The following RBFOX2 variants were observed in gnomAD, a reference collection of about 807,000 sequenced individuals.
RBFOX2 encodes the protein RNA binding fox-1 homolog 2, also known as RNA binding protein fox-1 homolog 2.
In RBFOX2, 10 loss-of-function variants were observed where a neutral mutation model predicts 49.1. The ratio of observed to expected loss-of-function variants is 0.20; its 90% CI spans 0.13 to 0.35. The LOEUF (loss-of-function observed/expected upper bound fraction) is 0.35. Among genes scored for constraint, RBFOX2 ranks in the 10% least tolerant of loss-of-function variants. The pLI, the probability that RBFOX2 is intolerant of heterozygous loss-of-function variation, is 1.00. For synonymous variants in RBFOX2, 183 were observed against 187.4 expected (o/e 0.98, Z 0.19); for missense variants, 323 against 486.9 (o/e 0.66, Z 3.17).
chr22:35,755,670 G>A (rs1936651200), intron 9 of RBFOX2, among the ~76,000 whole-genome samples: 1 of 152,192 alleles, frequency 6.6e-6, no homozygotes, highest in African/African-American at 2.4e-5. Context: ...TCTAAAGAGG[G>A]ATGTGAAATG....
chr22:35,979,407 T>C (rs925997042), intron 1 of RBFOX2, among the ~76,000 whole-genome samples: 1 of 152,188 alleles, frequency 6.6e-6, no homozygotes, highest in Admixed American at 6.5e-5. Flanking sequence ...ATTTCCTGAT[T>C]TGGAGATCTC....
chr22:35,802,092 G>T (rs914256171), intron 2 of RBFOX2, among the ~76,000 whole-genome samples: 2 of 152,032 alleles, frequency 1.3e-5, no homozygotes, highest in Non-Finnish European at 2.9e-5. Flanking sequence ...ACAGTTTCTG[G>T]TATAAATGAG....
intron 1 of RBFOX2, among the ~76,000 whole-genome samples, chr22:36,012,409 A>G (rs2058854431): frequency 1.3e-5 from 2 of 152,258 alleles, no homozygotes; most frequent in Admixed American, 1.3e-4. Context: ...TGAAGAGAAT[A>G]AATAAGGGCC....
chr22:36,002,874 C>G (rs1246335232), intron 1 of RBFOX2, among the ~76,000 whole-genome samples: 1 of 152,278 alleles, frequency 6.6e-6, no homozygotes, highest in African/African-American at 2.4e-5. Flanking sequence ...GATCCCCCCA[C>G]CTTGGCCTCC....
chr22:36,016,779 T>C (rs2059052736), intron 1 of RBFOX2, among the ~76,000 whole-genome samples: 1 of 152,256 alleles, frequency 6.6e-6, no homozygotes, highest in African/African-American at 2.4e-5. Flanking sequence ...GAATGTCATC[T>C]ACTTCATAAG....
intron 9 of RBFOX2, among the ~76,000 whole-genome samples, chr22:35,755,679 TGAG>T (rs1213612558): frequency 6.6e-6 from 1 of 152,120 alleles, no homozygotes; most frequent in Non-Finnish European, 1.5e-5. Context: ...GGATGTGAAA[TGAG>T]AAGAAAAGCA....
At chr22:35,808,528 C>A (rs576429310) in intron 2 of RBFOX2, among the ~76,000 whole-genome samples, 6 of 152,270 alleles carry the variant, frequency 3.9e-5, no homozygotes, top group Non-Finnish European at 8.8e-5. Flanking sequence ...TCTATGCAGA[C>A]TGTAGAACAT....
At chr22:35,939,158 A>G (rs1371576944), upstream of RBFOX2, 1 of 640,160 alleles carries the variant, frequency 1.6e-6, no homozygotes, top group Admixed American at 2.1e-5. Flanking sequence ...CCTTTCCAGT[A>G]TATCTTAGGC....
chr22:35,939,323 G>C, upstream of RBFOX2: 1 of 440,424 alleles, frequency 2.3e-6, no homozygotes, highest in Non-Finnish European at 4.6e-6. Context: ...ATGTCCCCTG[G>C]ATGGAAAGGG....
chr22:35,843,934 G>A (rs1411593084), upstream of RBFOX2, among the ~76,000 whole-genome samples: 2 of 152,180 alleles, frequency 1.3e-5, no homozygotes, highest in African/African-American at 4.8e-5. Context: ...CTTGCTCAAG[G>A]TGTTCCAACT....
At chr22:35,945,998 C>A (rs191083082) in intron 1 of RBFOX2, among the ~76,000 whole-genome samples, 17 of 152,108 alleles carry the variant, frequency 1.1e-4, no homozygotes, top group Non-Finnish European at 1.9e-4. Flanking sequence ...ACCGCTCCCC[C>A]CTTTTTTTTA....
chr22:35,915,199 A>AT (rs1414073147), intron 1 of RBFOX2, among the ~76,000 whole-genome samples: 21 of 152,324 alleles, frequency 1.4e-4, no homozygotes, highest in Admixed American at 1.3e-3. Flanking sequence ...TTCTGTAATT[A>AT]TGTTAGCACA....
intron 2 of RBFOX2, among the ~76,000 whole-genome samples, chr22:35,805,664 C>T (rs78665757): frequency 0.02 from 3,108 of 152,256 alleles, 47 homozygotes; most frequent in Non-Finnish European, 0.03. Flanking sequence ...CCACAAAAAA[C>T]CCTGCATATG....
At chr22:36,018,865 C>T (rs566129734) in intron 1 of RBFOX2, among the ~76,000 whole-genome samples, 2 of 152,240 alleles carry the variant, frequency 1.3e-5, no homozygotes, top group African/African-American at 4.8e-5. Flanking sequence ...CTGCCCGCCT[C>T]AGCCTCCCAA....
chr22:35,944,858 T>C (rs184948871), intron 1 of RBFOX2, among the ~76,000 whole-genome samples: 6 of 152,048 alleles, frequency 3.9e-5, no homozygotes, highest in Admixed American at 3.3e-4. Context: ...GGAGGATCAT[T>C]TGAGGTCAGG....
chr22:35,931,976 A>G (rs1018347579), intron 1 of RBFOX2, among the ~76,000 whole-genome samples: 2 of 152,214 alleles, frequency 1.3e-5, no homozygotes, highest in Non-Finnish European at 2.9e-5. Context: ...CATGGTTAAG[A>G]TAGGCAGCAT....
intron 1 of RBFOX2, among the ~76,000 whole-genome samples, chr22:35,946,304 C>G (rs942141290): frequency 5.9e-5 from 9 of 152,162 alleles, no homozygotes; most frequent in Admixed American, 1.3e-4. Flanking sequence ...AGTTATATTA[C>G]AGATATATGT....
rs183818347 is a variant in RBFOX2 at position 35,910,261 on chromosome 22, A to T, written c.-34+28586T>A. On this transcript the variant is annotated intron_variant, in intron 1 of 13. Transcript: ENST00000359369. The stretch of plus-strand genomic sequence containing the variant: ...GTGTTATTCAATTCATTATATTTTG[A>T]AAAGTACTCTATGGTCAAATTAACT... Among the ~76,000 whole-genome samples, 39 of 152,354 alleles carry T rather than the reference A, an allele frequency of 2.6e-4. No homozygotes were observed. The East Asian group carries it at 3.5e-3, about 14-fold the overall frequency.
intron 1 of RBFOX2, among the ~76,000 whole-genome samples, chr22:35,977,761 T>TAAATAC (rs1259422253): frequency 1.1e-5 from 1 of 90,936 alleles, no homozygotes; most frequent in Non-Finnish European, 2.2e-5. Flanking sequence ...TATATATATA[T>TAAATAC]ACATGCACAC....
Sources: gnomAD v4.1 joint callset for allele counts (sites outside exome capture counted in the v4.1 genomes callset) on GRCh38, gnomAD v4.1.1 for gene constraint, MANE v1.5 for transcripts, NCBI Gene and HGNC (gene_info 2026-07-23, HGNC 2026-07-21) for gene names.